The following GRIK4 variants were observed in gnomAD, a reference collection of about 807,000 sequenced individuals.
The protein encoded by GRIK4 is glutamate receptor ionotropic, kainate 4.
Under a neutral mutation model 104.9 loss-of-function variants are expected in GRIK4, and 40 were observed. The ratio of observed to expected loss-of-function variants is 0.38; its 90% CI spans 0.30 to 0.50. The LOEUF (loss-of-function observed/expected upper bound fraction) is 0.50, where lower values mean the gene tolerates loss of function less well. Ranked by LOEUF, GRIK4 falls within the 20% of genes least tolerant of loss-of-function variation. GRIK4 has a pLI of 0.93. For synonymous variants in GRIK4, 485 were observed against 524.9 expected, an observed-to-expected ratio of 0.92 and a Z score of 1.04; for missense variants, 1,047 against 1,308.1, an observed-to-expected ratio of 0.80 and a Z score of 3.08.
At chr11:120,604,727 C>T (rs1391636584) in intron 1 of GRIK4, among the ~76,000 whole-genome samples, 1 of 152,226 alleles carries the variant, frequency 6.6e-6, no homozygotes, top group Non-Finnish European at 1.5e-5. Context: ...GATAGATTTA[C>T]AGGGCTGCAT....
At chr11:120,605,126 C>T (rs11217924) in intron 1 of GRIK4, among the ~76,000 whole-genome samples, 52,858 of 152,092 alleles carry the variant, frequency 0.35, 10,544 homozygotes, top group African/African-American at 0.52. Flanking sequence ...TGAGCCAGTG[C>T]GCACAGCACA....
chr11:120,699,621 A>G (rs1213172768), intron 3 of GRIK4, among the ~76,000 whole-genome samples: 1 of 151,808 alleles, frequency 6.6e-6, no homozygotes, highest in Non-Finnish European at 1.5e-5. Context: ...TAAAGAGAAA[A>G]ATAAAGCAGG....
intron 1 of GRIK4, among the ~76,000 whole-genome samples, chr11:120,574,388 A>G (rs914175384): frequency 1.3e-5 from 2 of 152,200 alleles, no homozygotes; most frequent in Non-Finnish European, 2.9e-5. Context: ...GGCTGTGGTG[A>G]CACCTTACGT....
intron 3 of GRIK4, among the ~76,000 whole-genome samples, chr11:120,676,297 C>G (rs1435867463): frequency 1.3e-5 from 2 of 152,236 alleles, no homozygotes; most frequent in Non-Finnish European, 2.9e-5. Context: ...AAGCCAGGAT[C>G]ATCTCCCTGC....
chr11:120,554,454 T>C (rs1365861084), intron 1 of GRIK4, among the ~76,000 whole-genome samples: 1 of 152,170 alleles, frequency 6.6e-6, no homozygotes, highest in African/African-American at 2.4e-5. Context: ...TTCCTGGGAC[T>C]TTCTCTCCAC....
chr11:120,866,000 T>C (rs947150777), intron 9 of GRIK4, among the ~76,000 whole-genome samples: 1 of 152,044 alleles, frequency 6.6e-6, no homozygotes, highest in Non-Finnish European at 1.5e-5. Context: ...CCAGGCTCTT[T>C]TCAACAGCCA....
rs1565445078 is a variant in GRIK4, at chr11:120,928,990, CGCGCGT to C, written c.1477-11354_1477-11349del. 1.5e-3 allele frequency among the ~76,000 whole-genome samples: 175 copies of C among 116,072 alleles called. 1 individual carries two copies. The highest frequency in any genetic ancestry group is 5.1e-3 in the African/African-American group (165 of 32,210). The allele number at this position is 116,072 out of a possible 152,430, so 76.1% of individuals were successfully genotyped here. On this transcript the variant is annotated intron_variant, in intron 13 of 20. Transcript: ENST00000527524. The stretch of plus-strand genomic sequence containing the variant: ...GTGTGTGTGTGTGTGTGTGTGTGTG[CGCGCGT>C]GCACGCGTGTATGTGTGTGTGCGCA...
chr11:120,607,070 G>A (rs1399326223), intron 1 of GRIK4, among the ~76,000 whole-genome samples: 1 of 152,196 alleles, frequency 6.6e-6, no homozygotes, highest in Non-Finnish European at 1.5e-5. Flanking sequence ...CATTGGATGA[G>A]AGGATGGTTT....
intron 1 of GRIK4, among the ~76,000 whole-genome samples, chr11:120,548,680 T>C (rs1286249000): frequency 6.6e-6 from 1 of 152,062 alleles, no homozygotes; most frequent in Admixed American, 6.5e-5. Context: ...ACAGGGAAGA[T>C]TTCTGTGCCC....
In GRIK4 at chr11:120,834,211, G is replaced by C. The variant is rs933588228; in HGVS notation, c.690+2181G>C. Reference sequence around the variant, plus strand: ...ACACTTTCGCCAGCAGCATATAGGTGTCTTATAGCACCCTTGCCAATACTG... The same window carrying C: ...ACACTTTCGCCAGCAGCATATAGGTCTCTTATAGCACCCTTGCCAATACTG... On this transcript the variant is annotated intron_variant, in intron 7 of 20. Transcript: ENST00000527524. Among the ~76,000 whole-genome samples the C allele has an allele frequency of 2.0e-5, 3 of 151,938 alleles. No individual in the cohort carries two copies. The East Asian group carries it at 5.8e-4, about 29-fold the overall frequency.
intron 6 of GRIK4, among the ~76,000 whole-genome samples, chr11:120,830,959 C>T (rs1421048398): frequency 6.6e-6 from 1 of 151,260 alleles, no homozygotes; most frequent in African/African-American, 2.4e-5. Context: ...TTAAGACCCT[C>T]ATGTCTCAGT....
chr11:120,609,999 CTGAT>C (rs1949013704), intron 1 of GRIK4, among the ~76,000 whole-genome samples: 1 of 152,184 alleles, frequency 6.6e-6, no homozygotes, highest in South Asian at 2.1e-4. Context: ...AGGGCTTAGA[CTGAT>C]TGGTCTCTGT....
chr11:120,527,659 C>G (rs1565538976), intron 1 of GRIK4, among the ~76,000 whole-genome samples: 1 of 152,272 alleles, frequency 6.6e-6, no homozygotes, highest in African/African-American at 2.4e-5. Flanking sequence ...CTGAGCCAGA[C>G]AGCCTCGCTC....
At chr11:120,930,549 A>C (rs1349679242) in intron 13 of GRIK4, among the ~76,000 whole-genome samples, 1 of 152,202 alleles carries the variant, frequency 6.6e-6, no homozygotes, top group Non-Finnish European at 1.5e-5. Context: ...GTGTGAGTCC[A>C]GGCATCCTGT....
intron 20 of GRIK4, among the ~76,000 whole-genome samples, chr11:120,984,001 G>T (rs541197796): frequency 6.6e-6 from 1 of 152,122 alleles, no homozygotes; most frequent in Non-Finnish European, 1.5e-5. Context: ...GTTAACAATT[G>T]GGGGGTGTGA....
In GRIK4 at chr11:120,967,170, C is replaced by T. The variant is rs1944398357; in HGVS notation, c.2267-25C>T. 3 of 1,604,020 alleles carry T rather than the reference C, an allele frequency of 1.9e-6. No homozygotes were observed. The highest frequency in any genetic ancestry group is 1.7e-4 in the Middle Eastern group (1 of 6,054). On this transcript the variant is annotated intron_variant, in intron 18 of 20. Transcript: ENST00000527524. This position sits in a 1 kb window ranked among gnomAD's most constrained non-coding sequence, Gnocchi z 4.2. ...TAACAGGGCATTCACAACCTGTGTC[C>T]TGGGCTCTCCCGTAACCCCCGCAGG...
intron 11 of GRIK4, among the ~76,000 whole-genome samples, chr11:120,883,010 T>G (rs564912518): frequency 6.6e-6 from 1 of 152,318 alleles, no homozygotes; most frequent in African/African-American, 2.4e-5. Flanking sequence ...CCCCAGCTCC[T>G]GCAAGCACCG....
chr11:120,591,667 T>G (rs905940506), intron 1 of GRIK4, among the ~76,000 whole-genome samples: 1 of 152,202 alleles, frequency 6.6e-6, no homozygotes, highest in African/African-American at 2.4e-5. Context: ...GGGATGAATG[T>G]ACCCAGCTTT....
chr11:120,777,509 G>A (rs1009482489), intron 3 of GRIK4, among the ~76,000 whole-genome samples: 5 of 152,368 alleles, frequency 3.3e-5, no homozygotes, highest in East Asian at 1.9e-4. Context: ...TGCCCGGCAC[G>A]GGGTTGGGGC....
Sources: allele counts gnomAD v4.1 joint callset (sites outside exome capture counted in the v4.1 genomes callset), GRCh38; gene constraint gnomAD v4.1.1; non-coding constraint Gnocchi (gnomAD v3.1); transcripts MANE v1.5; gene names NCBI Gene and HGNC (gene_info 2026-07-23, HGNC 2026-07-21).